ACBD6: variants seen among roughly 807,000 people sequenced by gnomAD.
The protein encoded by ACBD6 is acyl-CoA binding domain containing 6, also known as acyl-CoA-binding domain-containing protein 6.
In ACBD6, 28 loss-of-function variants were observed where a neutral mutation model predicts 37.2. The ratio of observed to expected loss-of-function variants is 0.75; its 90% CI spans 0.56 to 1.03. The LOEUF (loss-of-function observed/expected upper bound fraction) is 1.03. Ranked by LOEUF, ACBD6 falls within the 50% of genes least tolerant of loss-of-function variation. The probability of loss-of-function intolerance (pLI) is 0.00; values close to 1 mark genes in which losing one functional copy is unlikely to be tolerated. For missense variants in ACBD6, 340 were observed against 337.4 expected, an observed-to-expected ratio of 1.01 and a Z score of -0.06; for synonymous variants, 113 against 126.8, an observed-to-expected ratio of 0.89 and a Z score of 0.73.
chr1:180,295,920 C>A (rs1649898793), intron 7 of ACBD6, among the ~76,000 whole-genome samples: 1 of 152,048 alleles, frequency 6.6e-6, no homozygotes, highest in Admixed American at 6.5e-5. Flanking sequence ...GGAAGAGTCA[C>A]ACATCTCTTA....
chr1:180,497,884 T>C (rs1651799230), intron 1 of ACBD6, among the ~76,000 whole-genome samples: 1 of 152,182 alleles, frequency 6.6e-6, no homozygotes, highest in African/African-American at 2.4e-5. Flanking sequence ...TTTCAGATAA[T>C]TGTAGATATT....
chr1:180,470,407 C>T (rs1363471570), intron 3 of ACBD6, among the ~76,000 whole-genome samples: 1 of 152,178 alleles, frequency 6.6e-6, no homozygotes, highest in East Asian at 1.9e-4. Context: ...GTACCAGAAT[C>T]ATCTTGGTCT....
intron 6 of ACBD6, among the ~76,000 whole-genome samples, chr1:180,331,386 T>C (rs1189900490): frequency 6.6e-6 from 1 of 152,236 alleles, no homozygotes; most frequent in Non-Finnish European, 1.5e-5. Context: ...CAGATTTTCA[T>C]TCAGCAGGGG....
At chr1:180,479,320 A>C (rs1281949228) in intron 3 of ACBD6, among the ~76,000 whole-genome samples, 1 of 152,240 alleles carries the variant, frequency 6.6e-6, no homozygotes, top group Non-Finnish European at 1.5e-5. Flanking sequence ...AGCTATAAAA[A>C]AGAATGAAAT....
Position 180,458,580 on chromosome 1 carries a change from AC to A in ACBD6, c.385-28319del, listed in dbSNP as rs199584032. On this transcript the variant is annotated intron_variant, in intron 3 of 7. Coordinates refer to ENST00000367595, the MANE Select transcript of ACBD6 (RefSeq NM_032360.4). ...GTGGACTGAAGGCTTCACGGAATAAACAGGAATTAACCAGGGCCTAAAAAAA... is the reference window on the plus strand; with the variant it reads ...GTGGACTGAAGGCTTCACGGAATAAAAGGAATTAACCAGGGCCTAAAAAAA... Among the ~76,000 whole-genome samples, 29 of 152,326 alleles carry A rather than the reference AC, an allele frequency of 1.9e-4. 1 individual carries two copies. The East Asian group carries it at 4.8e-3, about 25-fold the overall frequency.
chr1:180,425,910 AT>A (rs1648565178), intron 4 of ACBD6, among the ~76,000 whole-genome samples: 1 of 152,234 alleles, frequency 6.6e-6, no homozygotes, highest in Admixed American at 6.5e-5. Flanking sequence ...TTATACTTAT[AT>A]TCTTCCATTT....
intron 3 of ACBD6, 129 bp downstream of exon 3, chr1:180,492,140 A>T: frequency 1.4e-6 from 1 of 731,636 alleles, no homozygotes; most frequent in Non-Finnish European, 2.3e-6. Context: ...ATATTACAAT[A>T]ACTTTAAAAT....
chr1:180,458,979 T>G (rs1468858916), intron 3 of ACBD6, among the ~76,000 whole-genome samples: 2 of 152,182 alleles, frequency 1.3e-5, no homozygotes, highest in African/African-American at 4.8e-5. Context: ...TTAAAGGTTT[T>G]ATTAGAAAGT....
chr1:180,349,805 T>C (rs1652336610), intron 6 of ACBD6, among the ~76,000 whole-genome samples: 1 of 152,146 alleles, frequency 6.6e-6, no homozygotes, highest in African/African-American at 2.4e-5. Flanking sequence ...TTTTTATTAA[T>C]GTTTCAAATC....
At chr1:180,303,094 A>G (rs1343485513) in intron 7 of ACBD6, among the ~76,000 whole-genome samples, 1 of 151,502 alleles carries the variant, frequency 6.6e-6, no homozygotes, top group African/African-American at 2.4e-5. Context: ...TCTCTGGGAC[A>G]CATTCAAAGC....
chr1:180,407,480 C>G (rs753856804), intron 5 of ACBD6, among the ~76,000 whole-genome samples: 2 of 152,214 alleles, frequency 1.3e-5, no homozygotes, highest in Non-Finnish European at 2.9e-5. Flanking sequence ...ACCCCTATCA[C>G]TGTTGTCCAT....
At chr1:180,499,355 A>G (rs1364829077) in intron 1 of ACBD6, among the ~76,000 whole-genome samples, 1 of 152,228 alleles carries the variant, frequency 6.6e-6, no homozygotes, top group Non-Finnish European at 1.5e-5. Context: ...TATATAAGTA[A>G]GCATATTATT....
At position 180,456,322 on chromosome 1, in the gene ACBD6, C is replaced by G. The variant is rs12730889; in HGVS notation, c.385-26060G>C. Among the ~76,000 whole-genome samples the G allele has an allele frequency of 2.0e-5, 3 of 151,882 alleles. No individual in the cohort carries two copies. In the East Asian group the frequency reaches 5.8e-4, roughly 29 times the overall value. On this transcript the variant is annotated intron_variant, in intron 3 of 7. Coordinates refer to ENST00000367595, the MANE Select transcript of ACBD6 (RefSeq NM_032360.4). Reference sequence around the variant, plus strand: ...CAAAAACTCTCTTTTCATTTTCTAACTCTATATCAAGGAACGGCACAAGTG... The same window carrying G: ...CAAAAACTCTCTTTTCATTTTCTAAGTCTATATCAAGGAACGGCACAAGTG...
chr1:180,364,772 C>T (rs1050699771), intron 6 of ACBD6, among the ~76,000 whole-genome samples: 23 of 139,384 alleles, frequency 1.7e-4, no homozygotes, highest in African/African-American at 6.0e-4. Context: ...CTTGCTCTGT[C>T]GCCCTGGCTG....
chr1:180,495,523 G>C lies in ACBD6; in HGVS notation c.225C>G (p.Val75=), dbSNP rs1320843144. 1 of 1,608,388 alleles carries C rather than the reference G, an allele frequency of 6.2e-7. No individual in the cohort carries two copies. The highest frequency in any genetic ancestry group is 2.2e-5 in the East Asian group (1 of 44,726). Residue 75 remains valine, a splice_region_variant and synonymous_variant, in exon 2 of 8, where the codon GTC becomes GTG. Coordinates refer to ENST00000367595, the MANE Select transcript of ACBD6 (RefSeq NM_032360.4). ...TAGGAGTATTACAATTTCCAACTTT[G>C]ACCTAAATGAGGGAAGGAAAATCAA... ...LLYLYARYKQ[V]KVGNCNTPKP... is the part of the protein sequence containing the mutation.
chr1:180,418,023 C>A (rs968141036), intron 4 of ACBD6, among the ~76,000 whole-genome samples: 6 of 129,592 alleles, frequency 4.6e-5, no homozygotes, highest in African/African-American at 1.5e-4. Context: ...CTGTATATGC[C>A]AAATATAAAA....
intron 6 of ACBD6, among the ~76,000 whole-genome samples, chr1:180,347,674 A>C (rs1238091534): frequency 1.3e-5 from 2 of 152,120 alleles, no homozygotes; most frequent in African/African-American, 4.8e-5. Flanking sequence ...AAGCAGACAC[A>C]TATAAAGAGG....
intron 6 of ACBD6, among the ~76,000 whole-genome samples, chr1:180,321,466 G>C (rs553413900): frequency 2.0e-4 from 30 of 151,914 alleles, no homozygotes; most frequent in Non-Finnish European, 3.4e-4. Context: ...TCAATTTCTT[G>C]CATCAATGTT....
intron 3 of ACBD6, among the ~76,000 whole-genome samples, chr1:180,471,688 C>T (rs1254727807): frequency 6.6e-6 from 1 of 152,022 alleles, no homozygotes; most frequent in Admixed American, 6.6e-5. Flanking sequence ...AGAGACCAGC[C>T]CCCATGATTC....
Sources: allele counts gnomAD v4.1 joint callset (sites outside exome capture counted in the v4.1 genomes callset), GRCh38; gene constraint gnomAD v4.1.1; transcripts MANE v1.5; gene names NCBI Gene and HGNC (gene_info 2026-07-23, HGNC 2026-07-21).